The following SLC28A1 variants were observed in gnomAD, a reference collection of about 807,000 sequenced individuals.
The protein encoded by SLC28A1 is sodium/nucleoside cotransporter 1.
SLC28A1 carries 64 observed loss-of-function variants against 74.8 expected under a neutral mutation model. The observed-to-expected ratio is 0.86, with a 90% CI of 0.70 to 1.05. SLC28A1 has a LOEUF of 1.05. Among genes scored for constraint, SLC28A1 ranks in the 50% least tolerant of loss-of-function variants. The pLI, the probability that SLC28A1 is intolerant of heterozygous loss-of-function variation, is 0.00. For synonymous variants in SLC28A1, 359 were observed against 335.0 expected (o/e 1.07, Z -0.78); for missense variants, 828 against 822.8 (o/e 1.01, Z -0.08).
intron 6 of SLC28A1, among the ~76,000 whole-genome samples, chr15:84,899,161 G>A (rs1189397781): frequency 6.6e-6 from 1 of 150,810 alleles, no homozygotes; most frequent in Non-Finnish European, 1.5e-5. Context: ...AGCGTACTAA[G>A]AAGGTTTTGG....
chr15:84,892,346 G>T (rs1157195660), intron 5 of SLC28A1, among the ~76,000 whole-genome samples: 4 of 152,140 alleles, frequency 2.6e-5, no homozygotes, highest in African/African-American at 9.7e-5. Flanking sequence ...CATCTGCTGA[G>T]ATGGGGTGGG....
At chr15:84,910,828 G>C (rs1968093329) in intron 9 of SLC28A1, among the ~76,000 whole-genome samples, 1 of 152,248 alleles carries the variant, frequency 6.6e-6, no homozygotes, top group African/African-American at 2.4e-5. Flanking sequence ...GGAGGGGCCT[G>C]AGGAGTGCGT....
intron 11 of SLC28A1, among the ~76,000 whole-genome samples, chr15:84,923,327 C>G (rs1439059022): frequency 6.6e-6 from 1 of 150,598 alleles, no homozygotes; most frequent in Non-Finnish European, 1.5e-5. Context: ...TGCTTACCTG[C>G]TTGGTTGCTT....
chr15:84,946,465 T>C (rs975993460), downstream of SLC28A1, among the ~76,000 whole-genome samples: 3 of 152,024 alleles, frequency 2.0e-5, no homozygotes, highest in Non-Finnish European at 4.4e-5. Flanking sequence ...GTTATTATTG[T>C]CACTAGTTGA....
intron 8 of SLC28A1, among the ~76,000 whole-genome samples, chr15:84,906,552 CTT>C (rs1567140223): frequency 2.0e-4 from 17 of 85,408 alleles, no homozygotes; most frequent in African/African-American, 5.9e-4. Context: ...TTCTTTCTTT[CTT>C]TCTTTCTTTC....
At chr15:84,922,421 C>G (rs562304179) in intron 11 of SLC28A1, among the ~76,000 whole-genome samples, 1 of 152,132 alleles carries the variant, frequency 6.6e-6, no homozygotes, top group Admixed American at 6.5e-5. Context: ...ATGGTTCAGG[C>G]GGAGCTGGAA....
At chr15:84,931,769 C>T (rs532846284) in intron 12 of SLC28A1, among the ~76,000 whole-genome samples, 1 of 151,854 alleles carries the variant, frequency 6.6e-6, no homozygotes, top group South Asian at 2.1e-4. Context: ...TTTGGGAGGC[C>T]CAGGTGGGCA....
At chr15:84,956,484 T>TTTCTTTCTTTCTTTCC in the SLC28A1 span, among the ~76,000 whole-genome samples, 1 of 133,380 alleles carries the variant, frequency 7.5e-6, no homozygotes. Context: ...TCTTTCTTTC[T>TTTCTTTCTTTCTTTCC]TTCTTTGTTT....
At chr15:84,952,085 C>T in the SLC28A1 span, among the ~76,000 whole-genome samples, 10 of 152,268 alleles carry the variant, frequency 6.6e-5, no homozygotes, top group East Asian at 1.9e-4. Context: ...CACTAAGATC[C>T]GTGTTCCCTC....
intron 6 of SLC28A1, among the ~76,000 whole-genome samples, chr15:84,896,472 C>T (rs900282031): frequency 1.3e-5 from 2 of 152,056 alleles, no homozygotes; most frequent in Non-Finnish European, 2.9e-5. Context: ...AAATTGAAAC[C>T]CTTAGACACT....
At chr15:84,928,523 GTTCGTTCT>G (rs1397979975) in intron 12 of SLC28A1, among the ~76,000 whole-genome samples, 34 of 39,860 alleles carry the variant, frequency 8.5e-4, no homozygotes, top group East Asian at 3.6e-3. Flanking sequence ...TCCCAGGTTC[GTTCGTTCT>G]TTCTTTCTTT....
chr15:84,902,000 T>C (rs1966732707), intron 6 of SLC28A1, among the ~76,000 whole-genome samples: 1 of 152,158 alleles, frequency 6.6e-6, no homozygotes, highest in African/African-American at 2.4e-5. Flanking sequence ...GTGTGGTATA[T>C]CCATATAATG....
chr15:84,946,109 T>TAC (rs2079214218), downstream of SLC28A1, among the ~76,000 whole-genome samples: 1 of 48,114 alleles, frequency 2.1e-5, no homozygotes, highest in African/African-American at 7.0e-5. Flanking sequence ...TATATATATA[T>TAC]ATATTTTTTT....
At chr15:84,955,312 C>T in the SLC28A1 span, among the ~76,000 whole-genome samples, 1 of 152,142 alleles carries the variant, frequency 6.6e-6, no homozygotes, top group Non-Finnish European at 1.5e-5. Context: ...TGGTTTTATG[C>T]AACGGGTTTG....
intron 6 of SLC28A1, among the ~76,000 whole-genome samples, chr15:84,896,759 A>G (rs571423219): frequency 2.0e-5 from 3 of 152,352 alleles, no homozygotes; most frequent in South Asian, 4.1e-4. Flanking sequence ...AAGAAAATCT[A>G]TATATCCATA....
the SLC28A1 span, among the ~76,000 whole-genome samples, chr15:84,956,066 C>T: frequency 1.1e-4 from 16 of 152,206 alleles, no homozygotes; most frequent in Admixed American, 1.0e-3. Flanking sequence ...GTAATTCCCT[C>T]CCCATCCCTG....
At chr15:84,920,923 T>A in intron 10 of SLC28A1, 66 bp from the exon 11 acceptor site, 1 of 1,272,962 alleles carries the variant, frequency 7.9e-7, no homozygotes, top group Non-Finnish European at 1.1e-6. Flanking sequence ...GGTCTTCCAC[T>A]CCAGCCCCCT....
chr15:84,958,364 C>T, the SLC28A1 span, among the ~76,000 whole-genome samples: 31 of 152,170 alleles, frequency 2.0e-4, no homozygotes, highest in Non-Finnish European at 3.5e-4. Context: ...ATTTTTGGAA[C>T]CCTTGTCTTT....
At chr15:84,899,963 G>A (rs199807294) in intron 6 of SLC28A1, among the ~76,000 whole-genome samples, 3 of 100,890 alleles carry the variant, frequency 3.0e-5, no homozygotes, top group Non-Finnish European at 4.7e-5. Flanking sequence ...AAGGAAGGAA[G>A]GAAAGAAGGA....
Sources: gnomAD v4.1 joint callset for allele counts (sites outside exome capture counted in the v4.1 genomes callset) on GRCh38, gnomAD v4.1.1 for gene constraint, MANE v1.5 for transcripts, NCBI Gene and HGNC (gene_info 2026-07-23, HGNC 2026-07-21) for gene names.